The following UGGT2 variants were observed in gnomAD, a reference collection of about 807,000 sequenced individuals.
The protein encoded by UGGT2 is UDP-glucose:glycoprotein glucosyltransferase 2.
UGGT2 carries 180 observed loss-of-function variants against 192.1 expected under a neutral mutation model. The ratio of observed to expected loss-of-function variants is 0.94; its 90% confidence interval spans 0.83 to 1.06. The LOEUF is 1.06. UGGT2 is among the 50% of genes least tolerant of loss of function. The probability of loss-of-function intolerance (pLI) is 0.00; values close to 1 mark genes in which losing one functional copy is unlikely to be tolerated. For missense variants in UGGT2, 1,849 were observed against 1,795.7 expected, an observed-to-expected ratio of 1.03 and a Z score of -0.54; for synonymous variants, 580 against 591.0, an observed-to-expected ratio of 0.98 and a Z score of 0.27.
intron 12 of UGGT2, among the ~76,000 whole-genome samples, chr13:95,953,486 C>T (rs1400393378): frequency 6.6e-6 from 1 of 151,584 alleles, no homozygotes; most frequent in Non-Finnish European, 1.5e-5. Context: ...GAAGGGAGGA[C>T]CAAAATTGTA....
At chr13:95,933,077 A>G (rs1176101086) in intron 17 of UGGT2, among the ~76,000 whole-genome samples, 1 of 152,160 alleles carries the variant, frequency 6.6e-6, no homozygotes, top group Non-Finnish European at 1.5e-5. Context: ...TGGTATCAGG[A>G]TAACACAGGT....
At chr13:95,930,987 A>C in intron 17 of UGGT2, among the ~76,000 whole-genome samples, 1 of 145,342 alleles carries the variant, frequency 6.9e-6, no homozygotes, top group East Asian at 1.9e-4. Context: ...CAGCATGGAA[A>C]GGGACCCAAG....
chr13:95,912,215 T>C (rs955886451), intron 20 of UGGT2, among the ~76,000 whole-genome samples: 1 of 152,138 alleles, frequency 6.6e-6, no homozygotes, highest in African/African-American at 2.4e-5. Context: ...CTATTCAACA[T>C]AGTGTTGGAA....
rs1317274309 is a variant in UGGT2 at position 95,983,848 on chromosome 13, C to T, written c.1048G>A (p.Ala350Thr). The change falls in exon 10 of 39, where the codon GCT (alanine) becomes ACT (threonine). Residue 350 changes from alanine (A) to threonine (T), a missense_variant. Physicochemically the swap from Ala to Thr is moderately conservative, Grantham distance 58 (BLOSUM62 0). Coordinates refer to ENST00000376747, the MANE Select transcript of UGGT2 (RefSeq NM_020121.4). ...PIKARSLTRI[A>T]VNQHMREEIK... is the part of the protein sequence containing the mutation. ...TCTTCTCTCATATGTTGATTTACAG[C>T]AATTCTGGTTAGAGATCTGGAAAAA... The T allele has an allele frequency of 6.4e-7, 1 of 1,567,050 alleles. No homozygotes were observed.
intron 37 of UGGT2, 38 bp from the exon 38 acceptor site, chr13:95,833,091 G>A (rs1886900046): frequency 6.2e-7 from 1 of 1,600,952 alleles, no homozygotes; most frequent in East Asian, 2.3e-5. Flanking sequence ...GAAAGACCAT[G>A]CTCCTGGAAA....
chr13:96,016,587 G>A (rs1167723931), intron 4 of UGGT2, among the ~76,000 whole-genome samples: 1 of 152,218 alleles, frequency 6.6e-6, no homozygotes, highest in East Asian at 1.9e-4. Flanking sequence ...ATGCTCAGGA[G>A]GCAAGCATGA....
Position 95,877,376 on chromosome 13 carries a change from A to T in UGGT2, c.3388-12T>A, listed in dbSNP as rs376366568. The T allele has an allele frequency of 6.3e-7, 1 of 1,591,238 alleles. No individual in the cohort carries two copies. Among genetic ancestry groups the T allele is most frequent in the Non-Finnish European group, 8.6e-7 (1 of 1,169,306 alleles). On this transcript the variant is annotated splice_polypyrimidine_tract_variant and intron_variant, in intron 28 of 38. Coordinates refer to ENST00000376747, the MANE Select transcript of UGGT2 (RefSeq NM_020121.4). ...AATTGAAAATACCCCTTTTAAGATG[A>T]GAAAAAAATAATCATTGAGTAATAT...
chr13:95,914,696 A>T (rs1384463632), intron 20 of UGGT2, among the ~76,000 whole-genome samples: 1 of 149,938 alleles, frequency 6.7e-6, no homozygotes, highest in Non-Finnish European at 1.5e-5. Flanking sequence ...ACCACATGCG[A>T]GGCTGAGGCA....
chr13:96,032,496 T>C (rs1328515986), intron 1 of UGGT2, among the ~76,000 whole-genome samples: 1 of 152,206 alleles, frequency 6.6e-6, no homozygotes, highest in Non-Finnish European at 1.5e-5. Context: ...ATCAGTGTAC[T>C]GCACTATGTC....
chr13:95,880,985 T>C (rs980431545), intron 27 of UGGT2, among the ~76,000 whole-genome samples: 3 of 152,096 alleles, frequency 2.0e-5, no homozygotes, highest in Non-Finnish European at 4.4e-5. Context: ...CCATCCTGGC[T>C]AAGACGGTGA....
At position 95,999,314 on chromosome 13, in the gene UGGT2, A is replaced by C; in HGVS notation, c.661-7T>G. 6.2e-7 allele frequency: 1 copy of C among 1,612,332 alleles called. No homozygotes were observed. The highest frequency in any genetic ancestry group is 8.5e-7 in the Non-Finnish European group (1 of 1,178,716). On this transcript the variant is annotated splice_region_variant and splice_polypyrimidine_tract_variant and intron_variant, in intron 5 of 38. Transcript: ENST00000376747. Reference sequence around the variant, plus strand: ...TTTTCCGTGAGCTTGGTTTCTGTTCAAACACATTTATTTTATAAAAAGCGA... The same window carrying C: ...TTTTCCGTGAGCTTGGTTTCTGTTCCAACACATTTATTTTATAAAAAGCGA...
intron 12 of UGGT2, among the ~76,000 whole-genome samples, chr13:95,963,423 T>C (rs561477445): frequency 2.1e-4 from 32 of 152,032 alleles, no homozygotes; most frequent in African/African-American, 7.5e-4. Flanking sequence ...AGGCCAGAAA[T>C]GACAAACACA....
intron 29 of UGGT2, among the ~76,000 whole-genome samples, chr13:95,869,287 T>C (rs1002016887): frequency 6.6e-6 from 1 of 152,140 alleles, no homozygotes; most frequent in Admixed American, 6.5e-5. Context: ...CAGTCTATCA[T>C]TGTTGGACAT....
chr13:96,011,710 G>C (rs2052167134), intron 5 of UGGT2, among the ~76,000 whole-genome samples: 1 of 152,028 alleles, frequency 6.6e-6, no homozygotes, highest in African/African-American at 2.4e-5. Flanking sequence ...GTTCCTACAA[G>C]AATCTGTATG....
In UGGT2 at chr13:96,053,357, G is replaced by T; in HGVS notation, c.-45C>A. On this transcript the variant is annotated 5_prime_UTR_variant, in exon 1 of 39. It adds an upstream start codon to the 5' untranslated region. Transcript: ENST00000376747. ...GAGTCCCTCGGACCCGGTACCCACA[G>T]TCTGTGGCCGCCACGCTTCGGCCGG... 1 of 1,553,978 alleles carries T rather than the reference G, an allele frequency of 6.4e-7. No homozygotes were observed. The highest frequency in any genetic ancestry group is 1.7e-4 in the Middle Eastern group (1 of 5,724).
intron 2 of UGGT2, among the ~76,000 whole-genome samples, chr13:96,031,052 G>A (rs1298229542): frequency 1.3e-5 from 2 of 152,230 alleles, no homozygotes; most frequent in South Asian, 2.1e-4. Flanking sequence ...TGGACCTTGC[G>A]TATTAAGGAT....
chr13:96,051,585 T>C (rs1042818749), intron 1 of UGGT2, among the ~76,000 whole-genome samples: 1 of 151,532 alleles, frequency 6.6e-6, no homozygotes, highest in Non-Finnish European at 1.5e-5. Flanking sequence ...CTTCACAATC[T>C]ATACATCTGA....
chr13:95,948,402 G>A (rs962461811), intron 13 of UGGT2, among the ~76,000 whole-genome samples: 2 of 151,874 alleles, frequency 1.3e-5, no homozygotes, highest in Non-Finnish European at 2.9e-5. Flanking sequence ...TATTCTAAAT[G>A]TTCATTAGAT....
At chr13:95,824,610 T>C (rs1286574650) in intron 38 of UGGT2, among the ~76,000 whole-genome samples, 3 of 152,208 alleles carry the variant, frequency 2.0e-5, no homozygotes, top group African/African-American at 4.8e-5. Flanking sequence ...TATAGTTCCC[T>C]AAGCATGTCT....
Sources: gnomAD v4.1 joint callset for allele counts (sites outside exome capture counted in the v4.1 genomes callset) on GRCh38, gnomAD v4.1.1 for gene constraint, MANE v1.5 for transcripts, NCBI Gene and HGNC (gene_info 2026-07-23, HGNC 2026-07-21) for gene names.